Variants in KIF6 observed in about 807,000 individuals in gnomAD.
The protein encoded by KIF6 is kinesin family member 6.
KIF6 carries 106 observed loss-of-function variants against 112.7 expected under a neutral mutation model. The ratio of observed to expected loss-of-function variants is 0.94; its 90% CI spans 0.80 to 1.11. The LOEUF (loss-of-function observed/expected upper bound fraction) is 1.11. Among genes scored for constraint, KIF6 ranks in the 50% least tolerant of loss-of-function variants. The probability of loss-of-function intolerance (pLI) is 0.00; values close to 1 mark genes in which losing one functional copy is unlikely to be tolerated. For synonymous variants in KIF6, 339 were observed against 339.9 expected, an observed-to-expected ratio of 1.00 and a Z score of 0.03; for missense variants, 929 against 964.0, an observed-to-expected ratio of 0.96 and a Z score of 0.48.
chr6:39,472,990 G>A (rs147076149), intron 13 of KIF6, among the ~76,000 whole-genome samples: 9,114 of 151,878 alleles, frequency 0.06, 482 homozygotes, highest in East Asian at 0.24. Context: ...AGGTTCAAGC[G>A]ATTCTCCTGC....
Position 39,667,328 on chromosome 6 carries a change from T to C in KIF6, c.252-27571A>G, listed in dbSNP as rs77983230. 5.3e-3 allele frequency among the ~76,000 whole-genome samples: 808 copies of C among 152,234 alleles called. 47 individuals are homozygous for C. In the East Asian group the frequency reaches 0.14, roughly 26 times the overall value. On this transcript the variant is annotated intron_variant, in intron 3 of 22. Transcript: ENST00000287152. ...GTCAGTCCTGGAATCCAAGGGCCAA[T>C]GAGCCTGGAGTTCTGACGTTTAAGG...
chr6:39,478,954 T>C (rs1438970411), intron 13 of KIF6, among the ~76,000 whole-genome samples: 1 of 152,020 alleles, frequency 6.6e-6, no homozygotes, highest in East Asian at 1.9e-4. Flanking sequence ...GGGATTGTTT[T>C]TTTTCTTGCT....
chr6:39,631,604 T>A (rs948710898), intron 5 of KIF6, among the ~76,000 whole-genome samples: 2 of 152,174 alleles, frequency 1.3e-5, no homozygotes, highest in Non-Finnish European at 2.9e-5. Flanking sequence ...TTAATCTCAC[T>A]TGGTCATGAT....
intron 10 of KIF6, among the ~76,000 whole-genome samples, chr6:39,575,524 C>T (rs576769315): frequency 1.1e-3 from 175 of 152,268 alleles, no homozygotes; most frequent in African/African-American, 3.9e-3. Context: ...CCCGCCTTGG[C>T]CTTCCAAAGT....
intron 3 of KIF6, among the ~76,000 whole-genome samples, chr6:39,676,732 T>C (rs1787161947): frequency 6.6e-6 from 1 of 151,750 alleles, no homozygotes; most frequent in Non-Finnish European, 1.5e-5. Context: ...TTTTTAACAA[T>C]AGCCACTAAA....
At chr6:39,580,339 A>C (rs184757263) in intron 9 of KIF6, among the ~76,000 whole-genome samples, 71 of 152,234 alleles carry the variant, frequency 4.7e-4, no homozygotes, top group Admixed American at 3.3e-3. Context: ...TATGGATTAC[A>C]TACCAAATAA....
chr6:39,591,887 C>A (rs545452640), intron 7 of KIF6, among the ~76,000 whole-genome samples: 1 of 151,916 alleles, frequency 6.6e-6, no homozygotes, highest in Non-Finnish European at 1.5e-5. Flanking sequence ...CTGAGGCGGG[C>A]GGATCACGAG....
intron 19 of KIF6, among the ~76,000 whole-genome samples, chr6:39,349,307 T>G (rs528270368): frequency 6.6e-6 from 1 of 152,206 alleles, no homozygotes; most frequent in African/African-American, 2.4e-5. Context: ...CAGGGGCTAC[T>G]CCTTAGACCT....
intron 7 of KIF6, among the ~76,000 whole-genome samples, chr6:39,592,835 T>C (rs1341180482): frequency 6.6e-6 from 1 of 152,162 alleles, no homozygotes; most frequent in Non-Finnish European, 1.5e-5. Context: ...CTCAGAGAGG[T>C]TGCACCCTTT....
intron 7 of KIF6, 139 bp from the exon 8 acceptor site, chr6:39,586,543 A>G (rs915176906): frequency 3.2e-5 from 21 of 650,422 alleles, no homozygotes; most frequent in Non-Finnish European, 5.5e-6. Flanking sequence ...TTAAGTACAG[A>G]ATAAATATCT....
chr6:39,444,099 C>T (rs557815523), intron 13 of KIF6, among the ~76,000 whole-genome samples: 9 of 152,152 alleles, frequency 5.9e-5, no homozygotes, highest in Middle Eastern at 6.8e-3. Flanking sequence ...TTACAATAAC[C>T]GAGTCAACTA....
intron 9 of KIF6, among the ~76,000 whole-genome samples, chr6:39,582,224 T>C (rs181836687): frequency 1.3e-5 from 2 of 152,262 alleles, no homozygotes; most frequent in East Asian, 1.9e-4. Context: ...CTAAGCCAAG[T>C]TTTTTTGGTT....
At chr6:39,559,735 A>T (rs1351809444) in intron 10 of KIF6, among the ~76,000 whole-genome samples, 4 of 152,162 alleles carry the variant, frequency 2.6e-5, no homozygotes, top group Non-Finnish European at 4.4e-5. Context: ...TGTTGGTTAT[A>T]TAAAGATGAA....
intron 15 of KIF6, among the ~76,000 whole-genome samples, chr6:39,419,614 G>T (rs971633628): frequency 6.6e-6 from 1 of 152,158 alleles, no homozygotes; most frequent in South Asian, 2.1e-4. Context: ...CTTGAAATAC[G>T]AAATGACGTC....
At chr6:39,464,499 C>T (rs1773673420) in intron 13 of KIF6, among the ~76,000 whole-genome samples, 1 of 152,182 alleles carries the variant, frequency 6.6e-6, no homozygotes, top group African/African-American at 2.4e-5. Context: ...ACTTTTGGAT[C>T]TAATGTTCTT....
intron 3 of KIF6, among the ~76,000 whole-genome samples, chr6:39,697,540 TC>T (rs1439344099): frequency 4.7e-5 from 2 of 42,242 alleles, no homozygotes; most frequent in South Asian, 6.4e-4. Flanking sequence ...CTTTATCCTT[TC>T]TTTTTTTTTT....
intron 15 of KIF6, among the ~76,000 whole-genome samples, chr6:39,416,590 T>C (rs778531096): frequency 6.6e-6 from 1 of 152,212 alleles, no homozygotes; most frequent in Non-Finnish European, 1.5e-5. Context: ...AAAAAGGAGT[T>C]TGTGGCAAGA....
At chr6:39,718,281 A>G (rs1789987411) in intron 2 of KIF6, 1 of 152,020 alleles carries the variant, frequency 6.6e-6, no homozygotes, top group African/African-American at 2.4e-5. Flanking sequence ...TCCATAGATA[A>G]AGACATAGTA....
At chr6:39,346,061 T>TCG (rs1763702888) in intron 20 of KIF6, among the ~76,000 whole-genome samples, 3 of 15,978 alleles carry the variant, frequency 1.9e-4, no homozygotes, top group Admixed American at 5.5e-4. Flanking sequence ...TCTCTCTCTC[T>TCG]CTCTCTCTCT....
Sources: allele counts gnomAD v4.1 joint callset (sites outside exome capture counted in the v4.1 genomes callset), GRCh38; gene constraint gnomAD v4.1.1; transcripts MANE v1.5; gene names NCBI Gene and HGNC (gene_info 2026-07-23, HGNC 2026-07-21).